Variants in SPTLC3 observed in about 807,000 individuals in gnomAD.
SPTLC3 encodes the protein serine palmitoyltransferase long chain base subunit 3.
Under a neutral mutation model 59.3 loss-of-function variants are expected in SPTLC3, and 36 were observed. The observed-to-expected ratio is 0.61, with a 90% CI of 0.47 to 0.80. The LOEUF (loss-of-function observed/expected upper bound fraction) is 0.80, where lower values mean the gene tolerates loss of function less well. Ranked by LOEUF, SPTLC3 falls within the 30% of genes least tolerant of loss-of-function variation. The pLI is 0.00. For missense variants in SPTLC3, 625 were observed against 685.1 expected (o/e 0.91, Z 0.98); for synonymous variants, 257 against 240.8 (o/e 1.07, Z -0.62).
At chr20:13,163,385 A>C (rs1030975681) in intron 11 of SPTLC3, among the ~76,000 whole-genome samples, 4 of 151,640 alleles carry the variant, frequency 2.6e-5, no homozygotes, top group African/African-American at 9.7e-5. Context: ...AAAAAAAAAA[A>C]AAAAATAGAA....
At chr20:13,017,698 A>G (rs1985603778) in intron 1 of SPTLC3, among the ~76,000 whole-genome samples, 2 of 152,172 alleles carry the variant, frequency 1.3e-5, no homozygotes, top group Non-Finnish European at 2.9e-5. Context: ...TCTTCTTCCA[A>G]TGTGGCCCTG....
At chr20:13,017,946 C>T (rs1258423027) in intron 1 of SPTLC3, among the ~76,000 whole-genome samples, 1 of 152,124 alleles carries the variant, frequency 6.6e-6, no homozygotes, top group South Asian at 2.1e-4. Flanking sequence ...GGAATCCAGC[C>T]ACCATGCTTT....
chr20:13,162,259 G>A (rs2038909313), intron 11 of SPTLC3, among the ~76,000 whole-genome samples: 1 of 152,214 alleles, frequency 6.6e-6, no homozygotes, highest in African/African-American at 2.4e-5. Context: ...TGGCCGGGAA[G>A]CAAGTTCCCT....
intron 1 of SPTLC3, among the ~76,000 whole-genome samples, chr20:13,028,901 T>C (rs1460937409): frequency 1.3e-5 from 2 of 152,134 alleles, no homozygotes; most frequent in African/African-American, 4.8e-5. Context: ...TATTTTAAAA[T>C]AGGAAGCAAC....
intron 1 of SPTLC3, among the ~76,000 whole-genome samples, chr20:13,021,070 G>T (rs778202818): frequency 1.3e-5 from 2 of 152,146 alleles, no homozygotes; most frequent in East Asian, 3.9e-4. Flanking sequence ...ATCCCATAAT[G>T]ACTTCTCAAT....
chr20:13,151,475 C>G (rs765498374), intron 9 of SPTLC3, among the ~76,000 whole-genome samples: 1 of 152,236 alleles, frequency 6.6e-6, no homozygotes, highest in African/African-American at 2.4e-5. Flanking sequence ...GCCGGATGCT[C>G]TCTCCATCAC....
intron 4 of SPTLC3, among the ~76,000 whole-genome samples, chr20:13,082,351 A>G (rs758886025): frequency 4.6e-5 from 7 of 152,352 alleles, no homozygotes; most frequent in Middle Eastern, 3.4e-3. Context: ...AGCCATTTGT[A>G]CTGCCCTATA....
rs1404864816 is a variant in SPTLC3 at position 13,167,962 on chromosome 20, T to C, written c.*3095T>C. ...TCTTGTTCATAATTAAGTGTATATA[T>C]ACTGGTAAAATTAATTTATTCCACA... On this transcript the variant is annotated 3_prime_UTR_variant, in exon 12 of 12. Coordinates refer to ENST00000399002, the MANE Select transcript of SPTLC3 (RefSeq NM_018327.4). 6.6e-6 allele frequency: 1 copy of C among 152,240 alleles called. No homozygotes were observed. Among genetic ancestry groups the C allele is most frequent in the African/African-American group, 2.4e-5 (1 of 41,448 alleles). 9.4% of individuals were successfully genotyped at this position (152,240 alleles called of 1,614,324 possible).
intron 4 of SPTLC3, chr20:13,079,620 A>G: frequency 3.4e-6 from 1 of 296,532 alleles, no homozygotes; most frequent in South Asian, 2.6e-5. Context: ...GTGTGTTCCC[A>G]GGGAGGACCC....
intron 6 of SPTLC3, among the ~76,000 whole-genome samples, chr20:13,109,349 G>A (rs775414908): frequency 1.2e-4 from 18 of 152,218 alleles, no homozygotes; most frequent in Non-Finnish European, 2.2e-4. Context: ...GTGGATTACA[G>A]TACAGACTAC....
intron 1 of SPTLC3, among the ~76,000 whole-genome samples, chr20:13,022,217 C>A (rs1985921546): frequency 6.6e-6 from 1 of 152,170 alleles, no homozygotes. Context: ...CATTCTATCT[C>A]TCAGTAAAAC....
chr20:13,083,721 C>A (rs1302733259), intron 4 of SPTLC3, among the ~76,000 whole-genome samples: 1 of 152,106 alleles, frequency 6.6e-6, no homozygotes, highest in East Asian at 1.9e-4. Context: ...CCCCAATTCC[C>A]AACCTGGATT....
At chr20:13,073,657 T>C in intron 3 of SPTLC3, 1 of 328,354 alleles carries the variant, frequency 3.0e-6, no homozygotes, top group Non-Finnish European at 6.0e-6. Flanking sequence ...AGGGAATGAT[T>C]AACATTTTTT....
In SPTLC3 at chr20:13,049,064, C is replaced by T; in HGVS notation, c.237C>T (p.Leu79=). The T allele has an allele frequency of 6.2e-7, 1 of 1,613,832 alleles. No homozygotes were observed. Among genetic ancestry groups the T allele is most frequent in the Non-Finnish European group, 8.5e-7 (1 of 1,179,864 alleles). ...GYGIGTLFGY[L]RDFLRNWGIE... ...GAATTGGAACCCTGTTTGGCTATCT[C>T]AGAGACTTTTTAAGAAACTGGGGAA... The change falls in exon 2 of 12, where the codon CTC becomes CTT. Residue 79 remains leucine (L), a synonymous_variant. Coordinates refer to ENST00000399002, the MANE Select transcript of SPTLC3 (RefSeq NM_018327.4).
chr20:13,037,969 A>G (rs1986807821), intron 1 of SPTLC3, among the ~76,000 whole-genome samples: 1 of 151,578 alleles, frequency 6.6e-6, no homozygotes, highest in African/African-American at 2.4e-5. Flanking sequence ...ATTTCCACTC[A>G]GAGTCCATCA....
In SPTLC3 at chr20:13,059,317, G is replaced by A. The variant is rs115641608; in HGVS notation, c.303+10187G>A. On this transcript the variant is annotated intron_variant, in intron 2 of 11. Coordinates refer to ENST00000399002, the MANE Select transcript of SPTLC3 (RefSeq NM_018327.4). ...TCTTTCGCTGTTTCACTGTTACGTC[G>A]CTAGTATCGCCTGAGAGCTTGCTAG... Among the ~76,000 whole-genome samples the A allele has an allele frequency of 6.8e-3, 1,038 of 152,262 alleles. 9 individuals carry two copies. Among genetic ancestry groups the A allele is most frequent in the African/African-American group, 0.023 (970 of 41,552 alleles).
rs1009412449 is a variant in SPTLC3 at position 13,026,089 on chromosome 20, T to C, written c.117+16705T>C. Among the ~76,000 whole-genome samples the C allele has an allele frequency of 6.6e-5, 10 of 152,376 alleles. 1 individual carries two copies. In the East Asian group the frequency reaches 1.2e-3, roughly 18 times the overall value. ...TTTTTTATGGCTTCATAGTGTTCCA[T>C]GGTGTATGTGTAACACATTTTCTTT... On this transcript the variant is annotated intron_variant, in intron 1 of 11. Transcript: ENST00000399002.
At chr20:13,058,883 A>T (rs1210315387) in intron 2 of SPTLC3, among the ~76,000 whole-genome samples, 1 of 152,180 alleles carries the variant, frequency 6.6e-6, no homozygotes, top group African/African-American at 2.4e-5. Context: ...ACAGACATGG[A>T]GTTGGAGCAA....
Position 13,063,637 on chromosome 20 carries a change from T to TTTTATTTATTTATTTA in SPTLC3, c.304-8603_304-8588dup, listed in dbSNP as rs58141093. 3.1e-3 allele frequency among the ~76,000 whole-genome samples: 457 copies of TTTTATTTATTTATTTA among 145,704 alleles called. 4 individuals are homozygous for TTTTATTTATTTATTTA. The highest frequency in any genetic ancestry group is 0.016 in the East Asian group (82 of 5,002). ...GACTATTTTTTAAATTTTTTTTAAATTTTATTTATTTATTTATTTATTTAT... is the reference window on the plus strand; with the variant it reads ...GACTATTTTTTAAATTTTTTTTAAATTTTATTTATTTATTTATTTATTTATTTATTTATTTATTTAT... On this transcript the variant is annotated intron_variant, in intron 2 of 11. Coordinates refer to ENST00000399002, the MANE Select transcript of SPTLC3 (RefSeq NM_018327.4).
Sources: gnomAD v4.1 joint callset for allele counts (sites outside exome capture counted in the v4.1 genomes callset) on GRCh38, gnomAD v4.1.1 for gene constraint, MANE v1.5 for transcripts, NCBI Gene and HGNC (gene_info 2026-07-23, HGNC 2026-07-21) for gene names.